Variants in RAP1GAP2 observed in about 807,000 individuals in gnomAD.
The protein encoded by RAP1GAP2 is rap1 GTPase-activating protein 2.
In RAP1GAP2, 27 loss-of-function variants were observed where a neutral mutation model predicts 95.0. The observed-to-expected ratio is 0.28, with a 90% CI of 0.21 to 0.39. The LOEUF (loss-of-function observed/expected upper bound fraction) is 0.39. RAP1GAP2 is among the 10% of genes least tolerant of loss of function. The probability of loss-of-function intolerance (pLI) is 1.00; values close to 1 mark genes in which losing one functional copy is unlikely to be tolerated. For synonymous variants in RAP1GAP2, 373 were observed against 380.9 expected (o/e 0.98, Z 0.24); for missense variants, 771 against 970.0 (o/e 0.79, Z 2.72).
rs200962040 is a variant in RAP1GAP2 at position 3,018,150 on chromosome 17, C to T, written c.1584C>T (p.Ser528=). The change falls in exon 18 of 25, where the codon AGC becomes AGT. Residue 528 remains serine, a synonymous_variant. Transcript: ENST00000254695. Reference sequence around the variant, plus strand: ...GTGGGGGCATCCCTGGCAGCCTCAGCGGGGGCATCTCCCACAACAGCATGG... The same window carrying T: ...GTGGGGGCATCCCTGGCAGCCTCAGTGGGGGCATCTCCCACAACAGCATGG... The part of the protein sequence containing the change: ...SHSGGIPGSL[S]GGISHNSMEV... 2.3e-5 allele frequency: 37 copies of T among 1,580,064 alleles called. No homozygotes were observed. Among genetic ancestry groups the T allele is most frequent in the Admixed American group, 9.1e-5 (5 of 55,034 alleles).
At chr17:2,921,349 C>T (rs894497218) in intron 3 of RAP1GAP2, among the ~76,000 whole-genome samples, 4 of 152,076 alleles carry the variant, frequency 2.6e-5, no homozygotes, top group East Asian at 1.9e-4. Context: ...TTACAGGCAC[C>T]GGCCACCACA....
intron 1 of RAP1GAP2, among the ~76,000 whole-genome samples, chr17:2,762,436 C>T (rs1391054916): frequency 4.6e-5 from 6 of 130,846 alleles, no homozygotes; most frequent in Admixed American, 3.5e-4. Flanking sequence ...CTTACTCTGT[C>T]GCCGAGGCTG....
chr17:2,981,053 G>A (rs2045338831), intron 9 of RAP1GAP2, 142 bp from the exon 10 acceptor site: 2 of 678,024 alleles, frequency 2.9e-6, no homozygotes, highest in Admixed American at 2.5e-5. Flanking sequence ...GCACGTGTTA[G>A]TGAGCAGCAG....
At chr17:2,824,757 A>G (rs930439345) in intron 2 of RAP1GAP2, among the ~76,000 whole-genome samples, 2 of 151,710 alleles carry the variant, frequency 1.3e-5, no homozygotes, top group Non-Finnish European at 1.5e-5. Context: ...AAAAAAAAAA[A>G]AAAAAAGAAA....
At chr17:2,874,913 T>TC (rs2073024205) in intron 2 of RAP1GAP2, among the ~76,000 whole-genome samples, 1 of 152,170 alleles carries the variant, frequency 6.6e-6, no homozygotes, top group Admixed American at 6.6e-5. Flanking sequence ...AAAGGCTGTC[T>TC]CCATTTTGCT....
At chr17:3,014,000 C>T (rs897335973) in intron 17 of RAP1GAP2, among the ~76,000 whole-genome samples, 3 of 152,072 alleles carry the variant, frequency 2.0e-5, no homozygotes, top group Admixed American at 6.5e-5. Context: ...AATACAATCA[C>T]GTGTCACTCA....
At chr17:2,796,151 G>A (rs998862302), upstream of RAP1GAP2, among the ~76,000 whole-genome samples, 2 of 152,162 alleles carry the variant, frequency 1.3e-5, no homozygotes, top group Non-Finnish European at 2.9e-5. This position sits in a 1 kb window ranked among gnomAD's most constrained non-coding sequence, Gnocchi z 4.7. Flanking sequence ...TCCCTCCTAG[G>A]CGTGGCTGTG....
chr17:3,017,132 A>G (rs976395910), intron 17 of RAP1GAP2, among the ~76,000 whole-genome samples: 1 of 152,092 alleles, frequency 6.6e-6, no homozygotes, highest in Non-Finnish European at 1.5e-5. Context: ...CTCTGCTTCA[A>G]CACAGCACTC....
intron 1 of RAP1GAP2, among the ~76,000 whole-genome samples, chr17:2,755,945 C>T (rs1435609644): frequency 2.0e-5 from 3 of 151,726 alleles, no homozygotes; most frequent in Non-Finnish European, 4.4e-5. Flanking sequence ...TCCCCACCAC[C>T]CCGCGTCCCC....
At chr17:3,009,812 G>A (rs2046455571) in intron 17 of RAP1GAP2, among the ~76,000 whole-genome samples, 1 of 152,174 alleles carries the variant, frequency 6.6e-6, no homozygotes, top group Non-Finnish European at 1.5e-5. Flanking sequence ...GAAGAGGGAT[G>A]CAGAAGAAGA....
chr17:2,874,677 A>G (rs191277972), intron 2 of RAP1GAP2, among the ~76,000 whole-genome samples: 2 of 152,284 alleles, frequency 1.3e-5, no homozygotes, highest in East Asian at 3.9e-4. Flanking sequence ...GGTAGGTGCT[A>G]CATCACCCAT....
In RAP1GAP2 at chr17:2,820,358, C is replaced by T. The variant is rs147770811; in HGVS notation, c.80+19808C>T. 2.0e-3 allele frequency among the ~76,000 whole-genome samples: 310 copies of T among 152,198 alleles called. 1 individual carries two copies. Among genetic ancestry groups the T allele is most frequent in the African/African-American group, 7.1e-3 (294 of 41,558 alleles). Reference sequence around the variant, plus strand: ...GACTTAGGCTGGGCGCGGTGGCTCACGCCTGTAATCACAGCACTTTGGCAG... The same window carrying T: ...GACTTAGGCTGGGCGCGGTGGCTCATGCCTGTAATCACAGCACTTTGGCAG... On this transcript the variant is annotated intron_variant, in intron 2 of 24. Coordinates refer to ENST00000254695, the MANE Select transcript of RAP1GAP2 (RefSeq NM_015085.5).
At chr17:2,897,410 GA>G (rs1378031545) in intron 2 of RAP1GAP2, among the ~76,000 whole-genome samples, 2 of 150,970 alleles carry the variant, frequency 1.3e-5, no homozygotes, top group Non-Finnish European at 2.9e-5. Context: ...GTTCCTCCTG[GA>G]GACTTTTTTT....
At chr17:2,887,574 C>T (rs1309453257) in intron 2 of RAP1GAP2, among the ~76,000 whole-genome samples, 1 of 151,576 alleles carries the variant, frequency 6.6e-6, no homozygotes, top group Non-Finnish European at 1.5e-5. Context: ...TGGGTTTCAC[C>T]ATGTTAGCCA....
At chr17:2,868,977 G>A (rs975993575) in intron 2 of RAP1GAP2, among the ~76,000 whole-genome samples, 1 of 152,024 alleles carries the variant, frequency 6.6e-6, no homozygotes, top group Non-Finnish European at 1.5e-5. Flanking sequence ...TCTCATGAGG[G>A]CTCAAATCCT....
chr17:2,941,764 C>CCT (rs2043509235), intron 3 of RAP1GAP2, among the ~76,000 whole-genome samples: 1 of 150,766 alleles, frequency 6.6e-6, no homozygotes, highest in Non-Finnish European at 1.5e-5. Flanking sequence ...CTCACAGCAA[C>CCT]CTCCGCCTCC....
At chr17:2,907,091 A>AT (rs1231887262) in intron 3 of RAP1GAP2, among the ~76,000 whole-genome samples, 2 of 116,050 alleles carry the variant, frequency 1.7e-5, no homozygotes, top group East Asian at 2.1e-4. Flanking sequence ...AAAGAAAAGT[A>AT]TTTTTTTCCC....
chr17:2,780,526 C>G (rs1257593110), intron 1 of RAP1GAP2, among the ~76,000 whole-genome samples: 1 of 152,226 alleles, frequency 6.6e-6, no homozygotes, highest in Non-Finnish European at 1.5e-5. Context: ...CCTTGTCTGC[C>G]TACCCTCTCC....
Position 3,003,518 on chromosome 17 carries a change from G to A in RAP1GAP2, c.1201-1851G>A, listed in dbSNP as rs2046236103. ...CTGTTGCTCGGACGATGCTCTGTGT[G>A]CCACCGCGGCTCCCAGGCCACTCTT... On this transcript the variant is annotated intron_variant, in intron 14 of 24. Transcript: ENST00000254695. This position sits in a 1 kb window ranked among gnomAD's most constrained non-coding sequence, Gnocchi z 4.1. 6.6e-6 allele frequency among the ~76,000 whole-genome samples: 1 copy of A among 152,046 alleles called. No individual in the cohort carries two copies. Among genetic ancestry groups the A allele is most frequent in the Non-Finnish European group, 1.5e-5 (1 of 68,014 alleles).
Sources: allele counts gnomAD v4.1 joint callset (sites outside exome capture counted in the v4.1 genomes callset), GRCh38; gene constraint gnomAD v4.1.1; non-coding constraint Gnocchi (gnomAD v3.1); transcripts MANE v1.5; gene names NCBI Gene and HGNC (gene_info 2026-07-23, HGNC 2026-07-21).